Variants in MTM1 observed in about 807,000 individuals in gnomAD.
The protein encoded by MTM1 is myotubularin.
In MTM1, 9 loss-of-function variants were observed where a neutral mutation model predicts 52.1. The ratio of observed to expected loss-of-function variants is 0.17; its 90% CI spans 0.10 to 0.30. The LOEUF (loss-of-function observed/expected upper bound fraction) is 0.30. Among genes scored for constraint, MTM1 ranks in the 10% least tolerant of loss-of-function variants. The pLI is 1.00. For synonymous variants in MTM1, 136 were observed against 163.8 expected (o/e 0.83, Z 1.29); for missense variants, 277 against 470.7 (o/e 0.59, Z 3.81).
At chrX:150,572,484 T>TA (rs1170541724) in intron 1 of MTM1, among the ~76,000 whole-genome samples, 1 of 111,749 alleles carries the variant, frequency 8.9e-6, no homozygotes, top group African/African-American at 3.3e-5. Flanking sequence ...AATATGCAGG[T>TA]ATTTATATTG....
chrX:150,596,736 T>G, intron 3 of MTM1, 166 bp downstream of exon 3: 1 of 447,112 alleles, frequency 2.2e-6, no homozygotes, highest in Non-Finnish European at 4.0e-6. Flanking sequence ...GATTAAAGAG[T>G]TCTTTTGAGA....
In MTM1 at chrX:150,671,616, T is replaced by G; in HGVS notation, c.*21T>G. 1 of 1,207,220 alleles carries G rather than the reference T, an allele frequency of 8.3e-7. No individual in the cohort carries two copies. The highest frequency in any genetic ancestry group is 1.1e-6 in the Non-Finnish European group (1 of 891,986). On this transcript the variant is annotated 3_prime_UTR_variant, in exon 15 of 15. Transcript: ENST00000370396. Reference sequence around the variant, plus strand: ...TCTGAGGGGGGACCCTGGCACCGCATTAGAGCTCGAAATAAAGGCGATAGC... The same window carrying G: ...TCTGAGGGGGGACCCTGGCACCGCAGTAGAGCTCGAAATAAAGGCGATAGC...
chrX:150,571,199 A>T (rs186141390), intron 1 of MTM1, among the ~76,000 whole-genome samples: 114 of 112,562 alleles, frequency 1.0e-3, no homozygotes, highest in Non-Finnish European at 1.6e-3. Flanking sequence ...CGATTTTGTA[A>T]CAGAATAATA....
At chrX:150,660,793 T>TG (rs1277721952) in intron 13 of MTM1, among the ~76,000 whole-genome samples, 1 of 110,717 alleles carries the variant, frequency 9.0e-6, no homozygotes, top group African/African-American at 3.3e-5. Context: ...GGGGAGCCAG[T>TG]GTGTAGAGAT....
At position 150,583,283 on chromosome X, in the gene MTM1, A is replaced by ATT; in HGVS notation, c.-10-9321_-10-9320insTT. 3.4e-5 allele frequency among the ~76,000 whole-genome samples: 2 copies of ATT among 59,654 alleles called. 1 individual carries two copies. Among genetic ancestry groups the ATT allele is most frequent in the African/African-American group, 1.4e-4 (2 of 14,247 alleles). The allele number at this position is 59,654 out of a possible 115,157, so 51.8% of individuals were successfully genotyped here. ...TATATAAATTATATATAAATTATAA[A>ATT]TATATATAAATTATATATATTATAT... On this transcript the variant is annotated intron_variant, in intron 1 of 14. Transcript: ENST00000370396.
At chrX:150,658,110 T>C (rs1226235638) in intron 11 of MTM1, 83 bp downstream of exon 11, 2 of 818,005 alleles carry the variant, frequency 2.4e-6, no homozygotes, top group Admixed American at 5.1e-5. Context: ...ATATTCAGTA[T>C]TACAATGAAA....
chrX:150,593,728 G>C (rs2038927161), intron 2 of MTM1, among the ~76,000 whole-genome samples: 1 of 111,893 alleles, frequency 8.9e-6, no homozygotes, highest in African/African-American at 3.2e-5. Context: ...CACTTTAGGA[G>C]GCCAAGGTGG....
intron 10 of MTM1, among the ~76,000 whole-genome samples, chrX:150,652,656 TATAC>T (rs1323615832): frequency 3.1e-3 from 138 of 44,136 alleles, no homozygotes; most frequent in African/African-American, 8.1e-3. Flanking sequence ...TGTATATATA[TATAC>T]ACACACACAC....
intron 1 of MTM1, among the ~76,000 whole-genome samples, chrX:150,585,213 C>A (rs2148416185): frequency 9.0e-6 from 1 of 111,592 alleles, no homozygotes; most frequent in South Asian, 3.7e-4. Flanking sequence ...AATGAGAGTA[C>A]CTAGAGGAAT....
rs1443261976 is a variant in MTM1, at chrX:150,619,121, T to C, written c.426T>C (p.Phe142=). ...TTGAGATCCTCACGAGATACGCGTT[T>C]CCCCTGGCTCACAGTCTGGTAAATT... The part of the protein sequence containing the change: ...DMFEILTRYA[F]PLAHSLPLFA... Residue 142 remains phenylalanine (F), a synonymous_variant, in exon 6 of 15, where the codon TTT becomes TTC. Transcript: ENST00000370396. 2.5e-6 allele frequency: 3 copies of C among 1,202,658 alleles called. No individual in the cohort carries two copies. Among genetic ancestry groups the C allele is most frequent in the Non-Finnish European group, 3.4e-6 (3 of 888,764 alleles).
intron 13 of MTM1, among the ~76,000 whole-genome samples, chrX:150,661,269 C>G (rs1170258328): frequency 1.8e-5 from 2 of 111,171 alleles, no homozygotes; most frequent in African/African-American, 6.6e-5. Context: ...AGTGATCCAC[C>G]CGCCTCACCC....
Position 150,580,950 on chromosome X carries a change from G to A in MTM1, c.-10-11655G>A, listed in dbSNP as rs781886837. ...CAACAATCAAAAGACCCTAGGCAGC[G>A]TTCCAAAAGCCCCATGTAGAGGAAG... On this transcript the variant is annotated intron_variant, in intron 1 of 14. Coordinates refer to ENST00000370396, the MANE Select transcript of MTM1 (RefSeq NM_000252.3). 2.1e-4 allele frequency among the ~76,000 whole-genome samples: 23 copies of A among 111,838 alleles called. No homozygotes were observed. In the East Asian group the frequency reaches 6.4e-3, roughly 31 times the overall value.
At chrX:150,635,098 G>A (rs2039733416) in intron 6 of MTM1, among the ~76,000 whole-genome samples, 1 of 111,775 alleles carries the variant, frequency 8.9e-6, no homozygotes, top group Non-Finnish European at 1.9e-5. Flanking sequence ...CAGAGCCGTA[G>A]ATAAGGACCA....
intron 6 of MTM1, among the ~76,000 whole-genome samples, chrX:150,632,656 G>A (rs1438824950): frequency 9.0e-6 from 1 of 111,092 alleles, no homozygotes; most frequent in Non-Finnish European, 1.9e-5. Context: ...GCTTGAAGTG[G>A]GGCAATGGAC....
chrX:150,606,432 C>G (rs1007818971), intron 4 of MTM1, among the ~76,000 whole-genome samples: 1 of 111,932 alleles, frequency 8.9e-6, no homozygotes, highest in Admixed American at 9.4e-5. Flanking sequence ...ACTACAAGTT[C>G]AGGCTTTCAG....
intron 5 of MTM1, among the ~76,000 whole-genome samples, chrX:150,616,018 GA>G (rs1377995102): frequency 1.8e-5 from 2 of 111,194 alleles, no homozygotes; most frequent in Non-Finnish European, 3.8e-5. Context: ...GTGCTCAAGG[GA>G]AAATGGGGTT....
chrX:150,578,332 G>A (rs1330522115), intron 1 of MTM1, among the ~76,000 whole-genome samples: 4 of 111,593 alleles, frequency 3.6e-5, no homozygotes. Context: ...GAATGAGCTT[G>A]GAAGCAGATT....
intron 6 of MTM1, among the ~76,000 whole-genome samples, chrX:150,620,805 C>T (rs1042692495): frequency 1.1e-4 from 12 of 111,328 alleles, no homozygotes; most frequent in Non-Finnish European, 2.3e-4. Context: ...CCTCAAATTC[C>T]TTCCTCTGGG....
chrX:150,657,166 A>G (rs2040131201), intron 10 of MTM1, among the ~76,000 whole-genome samples: 2 of 110,189 alleles, frequency 1.8e-5, no homozygotes, highest in African/African-American at 3.3e-5. Context: ...ATAAAGACAC[A>G]TGCACACGTA....
Sources: gnomAD v4.1 joint callset for allele counts (sites outside exome capture counted in the v4.1 genomes callset) on GRCh38, gnomAD v4.1.1 for gene constraint, MANE v1.5 for transcripts, NCBI Gene and HGNC (gene_info 2026-07-23, HGNC 2026-07-21) for gene names.